The following E2F1 variants were observed in gnomAD, a reference collection of about 807,000 sequenced individuals.
E2F1 encodes the protein transcription factor E2F1.
Under a neutral mutation model 36.9 loss-of-function variants are expected in E2F1, and 7 were observed. The observed-to-expected ratio is 0.19, with a 90% CI of 0.11 to 0.36. The LOEUF (loss-of-function observed/expected upper bound fraction) is 0.36, where lower values mean the gene tolerates loss of function less well. E2F1 is among the 10% of genes least tolerant of loss of function. The pLI is 1.00. For missense variants in E2F1, 406 were observed against 573.6 expected (o/e 0.71, Z 2.99); for synonymous variants, 261 against 263.1 (o/e 0.99, Z 0.08).
intron 1 of E2F1, among the ~76,000 whole-genome samples, chr20:33,682,495 AGAAT>A (rs1170902843): frequency 6.6e-6 from 1 of 152,162 alleles, no homozygotes; most frequent in Non-Finnish European, 1.5e-5. Flanking sequence ...GAACCCAGCC[AGAAT>A]GTATCCCCCT....
In E2F1 at chr20:33,686,038, G is replaced by C. The variant is rs1163948608; in HGVS notation, c.227C>G (p.Pro76Arg). ...FATPQAPRPT[P>R]SAPRPALGRP... ...GCCGAGCGCGGGCCGCGGCGCACTGGGTGTGGGCCGGGGCGCCTGCGGTGT... is the reference window on the plus strand; with the variant it reads ...GCCGAGCGCGGGCCGCGGCGCACTGCGTGTGGGCCGGGGCGCCTGCGGTGT... The change falls in exon 1 of 7, where the codon CCC becomes CGC. Residue 76 changes from proline (P) to arginine (R), a missense_variant. Transcript: ENST00000343380. 3 of 1,134,736 alleles carry C rather than the reference G, an allele frequency of 2.6e-6. No homozygotes were observed. The African/African-American group carries it at 4.9e-5, about 19-fold the overall frequency. The allele number at this position is 1,134,736 out of a possible 1,614,324, so 70.3% of individuals were successfully genotyped here. A position where few individuals can be genotyped will look rare whatever the true frequency, so the allele number is the denominator to read the frequency against.
At chr20:33,683,450 CAA>C (rs60838396) in intron 1 of E2F1, among the ~76,000 whole-genome samples, 11 of 54,712 alleles carry the variant, frequency 2.0e-4, no homozygotes, top group Admixed American at 3.7e-4. Flanking sequence ...GACTTCATCT[CAA>C]AAAAAAAAAA....
chr20:33,678,005 T>G (rs2017981278), intron 4 of E2F1, among the ~76,000 whole-genome samples, 196 bp downstream of exon 4: 1 of 152,226 alleles, frequency 6.6e-6, no homozygotes, highest in African/African-American at 2.4e-5. Flanking sequence ...GATATTATTA[T>G]TCCCCTTTTA....
chr20:33,686,286 C>A lies in E2F1; in HGVS notation c.-22G>T. On this transcript the variant is annotated 5_prime_UTR_variant, in exon 1 of 7. Transcript: ENST00000343380. ...CCATGACGCTCACGGCCCGCGCGGC[C>A]CGGGTGACAGGCGGCGGCGGCGGCG... 1 of 1,000,266 alleles carries A rather than the reference C, an allele frequency of 1.0e-6. No homozygotes were observed. Among genetic ancestry groups the A allele is most frequent in the Non-Finnish European group, 1.2e-6 (1 of 841,070 alleles). The allele number at this position is 1,000,266 out of a possible 1,614,324, so 62.0% of individuals were successfully genotyped here.
intron 1 of E2F1, among the ~76,000 whole-genome samples, chr20:33,684,561 G>A (rs910087605): frequency 1.3e-5 from 2 of 152,236 alleles, no homozygotes; most frequent in Non-Finnish European, 2.9e-5. Flanking sequence ...GACATGGGAA[G>A]ATTCTAACAT....
Position 33,679,629 on chromosome 20 carries a change from C to T in E2F1, c.572+126G>A. ...ATCTATCATCTCAGGGAAGCTACCT[C>T]TCCTCTCTGAGCCCGTTTCCCCAGC... is the stretch of plus-strand genomic sequence containing the variant. On this transcript the variant is annotated intron_variant, in intron 3 of 6. Coordinates refer to ENST00000343380, the MANE Select transcript of E2F1 (RefSeq NM_005225.3). The surrounding 1 kb of genome is among the most constrained non-coding windows in gnomAD (Gnocchi z 4.6). 2 of 829,474 alleles carry T rather than the reference C, an allele frequency of 2.4e-6. No homozygotes were observed. The highest frequency in any genetic ancestry group is 2.0e-6 in the Non-Finnish European group (1 of 490,794). 51.4% of individuals were successfully genotyped at this position (829,474 alleles called of 1,614,324 possible). A position where few individuals can be genotyped will look rare whatever the true frequency, so the allele number is the denominator to read the frequency against.
In E2F1 at chr20:33,677,125, G is replaced by T. The variant is rs1458453215; in HGVS notation, c.1046C>A (p.Ser349Tyr). The change falls in exon 6 of 7, where the codon TCT becomes TAT. Residue 349 changes from serine (S) to tyrosine (Y), a missense_variant. Around this residue, in one of 5 missense-constraint regions of E2F1, gnomAD observed 163 missense variants for 181.5 expected, o/e 0.90. Transcript: ENST00000343380. The stretch of plus-strand genomic sequence containing the variant: ...CCCACCTTGCTCCAGGCTGAGTAGA[G>T]ACTGGCTGGGATCTGTGGTGAGGGA... ...PSSLTTDPSQ[S>Y]LLSLEQEPLL... 2 of 1,613,446 alleles carry T rather than the reference G, an allele frequency of 1.2e-6. No homozygotes were observed. The highest frequency in any genetic ancestry group is 1.7e-6 in the Non-Finnish European group (2 of 1,179,774).
At chr20:33,681,011 T>C (rs2018012130) in intron 1 of E2F1, among the ~76,000 whole-genome samples, 1 of 152,180 alleles carries the variant, frequency 6.6e-6, no homozygotes, top group African/African-American at 2.4e-5. Flanking sequence ...ACAAAAACTA[T>C]ATAATAAATG....
rs1183655268 is a variant in E2F1, at chr20:33,676,947, C to T, written c.1099G>A (p.Ala367Thr). 2 of 1,562,652 alleles carry T rather than the reference C, an allele frequency of 1.3e-6. No homozygotes were observed. Among genetic ancestry groups the T allele is most frequent in the African/African-American group, 2.7e-5 (2 of 73,980 alleles). ...PLLSRMGSLRAPVDEDRLSPL... is the reference protein window; with the variant it reads ...PLLSRMGSLRTPVDEDRLSPL... ...GACAGGCGGTCCTCGTCCACGGGAG[C>T]CCGCAGGCTGCCCATCCGGGACAAC... The change falls in exon 7 of 7, where the codon GCT becomes ACT. Residue 367 changes from alanine (A) to threonine (T), a missense_variant. Coordinates refer to ENST00000343380, the MANE Select transcript of E2F1 (RefSeq NM_005225.3).
rs1175270929 is a variant in E2F1 at position 33,676,380 on chromosome 20, T to C, written c.*352A>G. ...CCCCCCACGCGCACACATGGACTCA[T>C]GCACACACATGTGGACACACTGGGG... On this transcript the variant is annotated 3_prime_UTR_variant, in exon 7 of 7. Coordinates refer to ENST00000343380, the MANE Select transcript of E2F1 (RefSeq NM_005225.3). 1 of 202,666 alleles carries C rather than the reference T, an allele frequency of 4.9e-6. No homozygotes were observed. 12.6% of individuals were successfully genotyped at this position (202,666 alleles called of 1,614,324 possible).
chr20:33,679,269 C>T lies in E2F1; in HGVS notation c.572+486G>A, dbSNP rs747567322. ...AATAAATATATAAAGCTGCGCGGGG[C>T]GCAGTGGCTCATGCCTGTAATCCCA... is the stretch of plus-strand genomic sequence containing the variant. On this transcript the variant is annotated intron_variant, in intron 3 of 6. Transcript: ENST00000343380. This position sits in a 1 kb window ranked among gnomAD's most constrained non-coding sequence, Gnocchi z 4.6. Among the ~76,000 whole-genome samples, 1 of 152,214 alleles carries T rather than the reference C, an allele frequency of 6.6e-6. No individual in the cohort carries two copies. The highest frequency in any genetic ancestry group is 1.5e-5 in the Non-Finnish European group (1 of 68,046).
In E2F1 at chr20:33,686,248, GC is replaced by G. The variant is rs1222624683; in HGVS notation, c.16del (p.Ala6ProfsTer83). 4 of 1,015,142 alleles carry G rather than the reference GC, an allele frequency of 3.9e-6. No homozygotes were observed. The highest frequency in any genetic ancestry group is 4.3e-5 in the South Asian group (1 of 23,330). The allele number at this position is 1,015,142 out of a possible 1,614,324, so 62.9% of individuals were successfully genotyped here. A position where few individuals can be genotyped will look rare whatever the true frequency, so the allele number is the denominator to read the frequency against. The part of the protein sequence containing the change: MALAG[A>X]PAGGPCAPAL... Reference sequence around the variant, plus strand: ...CGGCGCGCATGGGCCGCCCGCAGGGGCCCCGGCCAAGGCCATGACGCTCACG... The same window carrying G: ...CGGCGCGCATGGGCCGCCCGCAGGGGCCCGGCCAAGGCCATGACGCTCACG... On this transcript the variant is annotated frameshift_variant, in exon 1 of 7. Transcript: ENST00000343380. LOFTEE classifies it high-confidence loss of function.
rs886985614 is a variant in E2F1, at chr20:33,676,418, G to A, written c.*314C>T. 3.0e-5 allele frequency: 9 copies of A among 300,432 alleles called. No individual in the cohort carries two copies. The highest frequency in any genetic ancestry group is 8.7e-5 in the African/African-American group (4 of 45,984). 18.6% of individuals were successfully genotyped at this position (300,432 alleles called of 1,614,324 possible). A position where few individuals can be genotyped will look rare whatever the true frequency, so the allele number is the denominator to read the frequency against. On this transcript the variant is annotated 3_prime_UTR_variant, in exon 7 of 7. Coordinates refer to ENST00000343380, the MANE Select transcript of E2F1 (RefSeq NM_005225.3). ...GGACACACTGGGGCGTGTCTGCAGT[G>A]CACACACAGAGGTGTATGTTCACCT...
rs1429701584 is a variant in E2F1 at position 33,686,036 on chromosome 20, T to C, written c.229A>G (p.Ser77Gly). 2 of 1,132,532 alleles carry C rather than the reference T, an allele frequency of 1.8e-6. No homozygotes were observed. The highest frequency in any genetic ancestry group is 1.1e-6 in the Non-Finnish European group (1 of 926,372). 70.2% of individuals were successfully genotyped at this position (1,132,532 alleles called of 1,614,324 possible). The change falls in exon 1 of 7, where the codon AGT (serine) becomes GGT (glycine). Residue 77 changes from serine (S) to glycine (G), a missense_variant. Physicochemically the swap from Ser to Gly is moderately conservative, Grantham distance 56. Transcript: ENST00000343380. ...ATPQAPRPTP[S>G]APRPALGRPP... ...CGGCCGAGCGCGGGCCGCGGCGCAC[T>C]GGGTGTGGGCCGGGGCGCCTGCGGT...
chr20:33,680,372 G>A lies in E2F1; in HGVS notation c.306C>T (p.Ala102=), dbSNP rs1340141397. 13 of 1,614,138 alleles carry A rather than the reference G, an allele frequency of 8.1e-6. No individual in the cohort carries two copies. The Admixed American group carries it at 1.0e-4, about 12-fold the overall frequency. Residue 102 remains alanine (A), a synonymous_variant, in exon 2 of 7, where the codon GCC becomes GCT. Coordinates refer to ENST00000343380, the MANE Select transcript of E2F1 (RefSeq NM_005225.3). ...LDLETDHQYL[A]ESSGPARGRG... Reference sequence around the variant, plus strand: ...TGCCCCGAGCTGGCCCACTGCTCTCGGCCAGGTACTGATGGTCAGTTTCCA... The same window carrying A: ...TGCCCCGAGCTGGCCCACTGCTCTCAGCCAGGTACTGATGGTCAGTTTCCA...
chr20:33,680,885 C>T (rs538082328), intron 1 of E2F1, among the ~76,000 whole-genome samples: 1 of 152,272 alleles, frequency 6.6e-6, no homozygotes, highest in South Asian at 2.1e-4. Flanking sequence ...ACCATGGCCT[C>T]CTCCCAACAG....
chr20:33,677,492 T>C lies in E2F1; in HGVS notation c.774A>G (p.Ala258=). The C allele has an allele frequency of 6.2e-7, 1 of 1,614,100 alleles. No homozygotes were observed. The highest frequency in any genetic ancestry group is 8.5e-7 in the Non-Finnish European group (1 of 1,180,008). The change falls in exon 5 of 7, where the codon GCA becomes GCG. Residue 258 remains alanine, a synonymous_variant. Coordinates refer to ENST00000343380, the MANE Select transcript of E2F1 (RefSeq NM_005225.3). ...CQDLRSIADP[A]EQMVMVIKAP... is the part of the protein sequence containing the mutation. ...CTTTGATCACCATAACCATCTGCTC[T>C]GCAGGGTCTGCAATGCTACGAAGGT... is the stretch of plus-strand genomic sequence containing the variant.
At chr20:33,678,713 G>T (rs182743192) in intron 3 of E2F1, among the ~76,000 whole-genome samples, 3 of 152,092 alleles carry the variant, frequency 2.0e-5, no homozygotes, top group South Asian at 2.1e-4. Flanking sequence ...CAGCACTTTG[G>T]GGGGCTGAGG....
intron 3 of E2F1, among the ~76,000 whole-genome samples, chr20:33,678,567 A>C (rs2017987710): frequency 6.6e-6 from 1 of 152,138 alleles, no homozygotes; most frequent in African/African-American, 2.4e-5. Context: ...ATGTCCCTCA[A>C]CCAGGGCGGG....
Sources: gnomAD v4.1 joint callset for allele counts (sites outside exome capture counted in the v4.1 genomes callset) on GRCh38, gnomAD v4.1.1 for gene constraint, gnomAD v4.1.1 regional missense constraint, Gnocchi (gnomAD v3.1) non-coding constraint, MANE v1.5 for transcripts, NCBI Gene and HGNC (gene_info 2026-07-23, HGNC 2026-07-21) for gene names.